The following ZFP1 variants were observed in gnomAD, a reference collection of about 807,000 sequenced individuals.
The protein encoded by ZFP1 is ZFP1 zinc finger protein, also known as zinc finger protein 1 homolog.
In ZFP1, 32 loss-of-function variants were observed where a neutral mutation model predicts 38.5. That is an observed-to-expected ratio of 0.83 (90% CI 0.63 to 1.12). The LOEUF (loss-of-function observed/expected upper bound fraction) is 1.12, where lower values mean the gene tolerates loss of function less well. Among genes scored for constraint, ZFP1 ranks in the 50% most tolerant of loss-of-function variants. ZFP1 has a pLI of 0.00. For missense variants in ZFP1, 616 were observed against 480.8 expected (o/e 1.28, Z -2.63); for synonymous variants, 245 against 168.8 (o/e 1.45, Z -3.50).
At chr16:75,168,751 A>C (rs531237791) in intron 3 of ZFP1, among the ~76,000 whole-genome samples, 11 of 152,308 alleles carry the variant, frequency 7.2e-5, no homozygotes, top group African/African-American at 2.6e-4. Flanking sequence ...AGTAGAAAAA[A>C]AGGAGAAAAA....
intron 1 of ZFP1, chr16:75,148,932 C>G (rs894835543): frequency 1.3e-5 from 2 of 151,838 alleles, no homozygotes; most frequent in Middle Eastern, 6.8e-3. Flanking sequence ...GCGAAGGGCT[C>G]GGGCCGCGCG....
Position 75,170,407 on chromosome 16 carries a change from A to C in ZFP1, c.*73A>C, listed in dbSNP as rs2038362626. 1.4e-6 allele frequency: 2 copies of C among 1,479,282 alleles called. No individual in the cohort carries two copies. The highest frequency in any genetic ancestry group is 1.8e-6 in the Non-Finnish European group (2 of 1,114,210). The allele number at this position is 1,479,282 out of a possible 1,614,324, so 91.6% of individuals were successfully genotyped here. A position where few individuals can be genotyped will look rare whatever the true frequency, so the allele number is the denominator to read the frequency against. On this transcript the variant is annotated 3_prime_UTR_variant, in exon 4 of 4. Transcript: ENST00000570010. ...AGCGGGTGAAAAACCTCATGACAGT[A>C]TTGAGGGAACATGGGAATTCATACT...
the ZFP1 span, chr16:75,132,676 A>T: frequency 7.8e-5 from 7 of 89,386 alleles, no homozygotes; most frequent in African/African-American, 3.2e-4. Context: ...TTTTTTTCCG[A>T]GACAGAGTCT....
upstream of ZFP1, among the ~76,000 whole-genome samples, chr16:75,145,555 C>A (rs1003152631): frequency 1.3e-5 from 2 of 152,128 alleles, no homozygotes; most frequent in African/African-American, 4.8e-5. Flanking sequence ...AACCCCAAAT[C>A]CCAGGCTCCA....
the ZFP1 span, among the ~76,000 whole-genome samples, chr16:75,135,238 T>TAAAAAAAAAAAAAAAA: frequency 2.0e-4 from 1 of 5,042 alleles, no homozygotes. Flanking sequence ...AAAAAACCAC[T>TAAAAAAAAAAAAAAAA]GGAAACAGCC....
intron 3 of ZFP1, 148 bp downstream of exon 3, chr16:75,167,044 C>G (rs1327012237): frequency 2.5e-5 from 35 of 1,394,262 alleles, no homozygotes; most frequent in Middle Eastern, 1.9e-4. Flanking sequence ...GCCTTTAAAG[C>G]TCTATCATCT....
intron 3 of ZFP1, among the ~76,000 whole-genome samples, chr16:75,167,591 T>TA (rs1193458500): frequency 6.6e-6 from 1 of 152,118 alleles, no homozygotes; most frequent in Non-Finnish European, 1.5e-5. Context: ...TGAGTGGGCA[T>TA]GTGTCTTTTT....
chr16:75,168,473 T>C (rs1191522368), intron 3 of ZFP1, among the ~76,000 whole-genome samples: 2 of 151,896 alleles, frequency 1.3e-5, no homozygotes, highest in Non-Finnish European at 2.9e-5. Context: ...AGGGAGACCC[T>C]ATCTCTAAAT....
chr16:75,140,872 A>T, the ZFP1 span, among the ~76,000 whole-genome samples: 22 of 152,102 alleles, frequency 1.4e-4, no homozygotes, highest in Admixed American at 2.6e-4. Context: ...GGCAGGAGAA[A>T]GTCATGCATC....
intron 2 of ZFP1, among the ~76,000 whole-genome samples, chr16:75,165,626 A>G (rs937073373): frequency 6.6e-6 from 1 of 152,068 alleles, no homozygotes; most frequent in Admixed American, 6.5e-5. Flanking sequence ...AACACCTGTG[A>G]TCCGCCCACC....
chr16:75,154,045 C>A (rs185566799), intron 2 of ZFP1, among the ~76,000 whole-genome samples: 1 of 152,090 alleles, frequency 6.6e-6, no homozygotes, highest in Non-Finnish European at 1.5e-5. Flanking sequence ...GGTGAAACCC[C>A]GTCTCTAGTA....
the ZFP1 span, among the ~76,000 whole-genome samples, chr16:75,130,975 C>A: frequency 6.6e-6 from 1 of 152,088 alleles, no homozygotes; most frequent in Non-Finnish European, 1.5e-5. Context: ...GATCTGGCAC[C>A]TTTTAGGGCC....
At chr16:75,139,316 C>T in the ZFP1 span, among the ~76,000 whole-genome samples, 1 of 129,258 alleles carries the variant, frequency 7.7e-6, no homozygotes, top group Non-Finnish European at 1.6e-5. Flanking sequence ...TTGCAGTGAG[C>T]CGAGGTTGCG....
the ZFP1 span, among the ~76,000 whole-genome samples, chr16:75,141,742 T>A: frequency 0.073 from 10,557 of 144,348 alleles, 1,262 homozygotes; most frequent in African/African-American, 0.25. Flanking sequence ...CAAATTAATT[T>A]AAAAAAAAAA....
chr16:75,156,625 C>T (rs1177966272), intron 2 of ZFP1, among the ~76,000 whole-genome samples: 1 of 152,078 alleles, frequency 6.6e-6, no homozygotes, highest in Non-Finnish European at 1.5e-5. Flanking sequence ...GCATGGGGCT[C>T]AACATAGTTG....
chr16:75,170,201 G>T lies in ZFP1; in HGVS notation c.1091G>T (p.Arg364Met). 1 of 1,614,094 alleles carries T rather than the reference G, an allele frequency of 6.2e-7. No individual in the cohort carries two copies. Among genetic ancestry groups the T allele is most frequent in the Non-Finnish European group, 8.5e-7 (1 of 1,180,024 alleles). The change falls in exon 4 of 4, where the codon AGG (arginine) becomes ATG (methionine). Residue 364 changes from arginine (R) to methionine (M), a missense_variant. Arg to Met is a moderately conservative substitution (Grantham distance 91, BLOSUM62 -1). Coordinates refer to ENST00000570010, the MANE Select transcript of ZFP1 (RefSeq NM_153688.4). The stretch of plus-strand genomic sequence containing the variant: ...GAGTGCGGCAAAACTTTCAGCCAGA[G>T]GTCAACTCTTAGATTACACTTGCGA... ...CTECGKTFSQRSTLRLHLRIH... is the reference protein window; with the variant it reads ...CTECGKTFSQMSTLRLHLRIH...
At chr16:75,141,485 G>A in the ZFP1 span, among the ~76,000 whole-genome samples, 719 of 152,060 alleles carry the variant, frequency 4.7e-3, 5 homozygotes, top group South Asian at 0.026. Flanking sequence ...GATTACAGGC[G>A]TGAGCCACCG....
At chr16:75,133,644 T>C in the ZFP1 span, among the ~76,000 whole-genome samples, 1 of 152,258 alleles carries the variant, frequency 6.6e-6, no homozygotes, top group Non-Finnish European at 1.5e-5. Flanking sequence ...TTTGAGTGGC[T>C]ATTATATTGG....
chr16:75,149,789 T>C (rs541722100), intron 1 of ZFP1, among the ~76,000 whole-genome samples: 2 of 152,120 alleles, frequency 1.3e-5, no homozygotes, highest in East Asian at 3.9e-4. Flanking sequence ...CAAATTTTTA[T>C]ATCTTGTATT....
Sources: gnomAD v4.1 joint callset for allele counts (sites outside exome capture counted in the v4.1 genomes callset) on GRCh38, gnomAD v4.1.1 for gene constraint, MANE v1.5 for transcripts, NCBI Gene and HGNC (gene_info 2026-07-23, HGNC 2026-07-21) for gene names.